ITIH5: variants seen among roughly 807,000 people sequenced by gnomAD.
ITIH5 encodes inter-alpha-trypsin inhibitor heavy chain 5, also known as inter-alpha-trypsin inhibitor heavy chain H5.
A neutral mutation model predicts 77.5 loss-of-function variants in ITIH5; 65 were observed. The ratio of observed to expected loss-of-function variants is 0.84; its 90% CI spans 0.69 to 1.03. The LOEUF (loss-of-function observed/expected upper bound fraction) is 1.03. ITIH5 is among the 50% of genes least tolerant of loss of function. The probability of loss-of-function intolerance (pLI) is 0.00; values close to 1 mark genes in which losing one functional copy is unlikely to be tolerated. For synonymous variants in ITIH5, 525 were observed against 494.3 expected (o/e 1.06, Z -0.82); for missense variants, 1,208 against 1,213.1 (o/e 1.00, Z 0.06).
At chr10:7,617,433 A>G in intron 5 of ITIH5, 151 bp from the exon 6 acceptor site, 2 of 486,380 alleles carry the variant, frequency 4.1e-6, no homozygotes, top group Non-Finnish European at 7.1e-6. Context: ...ATATATCACA[A>G]TGCGAGAGTT....
At chr10:7,567,209 C>T (rs1250821087) in intron 12 of ITIH5, among the ~76,000 whole-genome samples, 1 of 151,996 alleles carries the variant, frequency 6.6e-6, no homozygotes, top group Non-Finnish European at 1.5e-5. Context: ...ACACAGCTTA[C>T]CATGTTCGTC....
chr10:7,614,495 C>T (rs1272261084), intron 7 of ITIH5, among the ~76,000 whole-genome samples: 4 of 151,894 alleles, frequency 2.6e-5, no homozygotes, highest in Non-Finnish European at 4.4e-5. Flanking sequence ...TTTTTTTTAG[C>T]TCATTAGTAT....
intron 5 of ITIH5, chr10:7,621,955 A>G (rs893005662): frequency 6.6e-6 from 1 of 152,224 alleles, no homozygotes; most frequent in Non-Finnish European, 1.5e-5. Context: ...ATGAGAACCC[A>G]TGTCTCTTTC....
intron 5 of ITIH5, among the ~76,000 whole-genome samples, chr10:7,624,825 G>A (rs1173639084): frequency 9.0e-4 from 79 of 87,600 alleles, no homozygotes; most frequent in African/African-American, 1.0e-3. Context: ...ACATATATAT[G>A]TGTATATACA....
chr10:7,630,003 A>T (rs1833687402), intron 5 of ITIH5, among the ~76,000 whole-genome samples: 1 of 152,216 alleles, frequency 6.6e-6, no homozygotes, highest in South Asian at 2.1e-4. Flanking sequence ...TTTGGGTGTG[A>T]TATTCTATAC....
At chr10:7,661,734 C>T (rs934675037) in intron 1 of ITIH5, among the ~76,000 whole-genome samples, 1 of 152,150 alleles carries the variant, frequency 6.6e-6, no homozygotes, top group Non-Finnish European at 1.5e-5. Flanking sequence ...AGTCTCAACT[C>T]ATACCACCCA....
intron 2 of ITIH5, 61 bp downstream of exon 2, chr10:7,655,570 G>A (rs1834167694): frequency 1.5e-6 from 2 of 1,378,426 alleles, no homozygotes; most frequent in Non-Finnish European, 2.1e-6. Flanking sequence ...TGGATACCTG[G>A]TTCAAAATAA....
chr10:7,657,070 A>G (rs1296773729), intron 1 of ITIH5, among the ~76,000 whole-genome samples: 39 of 50,028 alleles, frequency 7.8e-4, no homozygotes, highest in Admixed American at 1.6e-3. Context: ...TTTTAGACGG[A>G]GTCTTGTTCT....
rs114739815 is a variant in ITIH5 at position 7,585,797 on chromosome 10, C to T, written c.1108+104G>A. 1,126 of 1,050,800 alleles carry T rather than the reference C, an allele frequency of 1.1e-3. 9 individuals are homozygous for T. The African/African-American group carries it at 0.016, about 15-fold the overall frequency. 65.1% of individuals were successfully genotyped at this position (1,050,800 alleles called of 1,614,324 possible). A position where few individuals can be genotyped will look rare whatever the true frequency, so the allele number is the denominator to read the frequency against. Reference sequence around the variant, plus strand: ...CTGCAGTCTCCCTTCCTGCCATCAACCCCAGCTTTCAAATCCTTATCTCTT... The same window carrying T: ...CTGCAGTCTCCCTTCCTGCCATCAATCCCAGCTTTCAAATCCTTATCTCTT... On this transcript the variant is annotated intron_variant, in intron 8 of 13. Transcript: ENST00000397146.
At chr10:7,587,408 A>T (rs532240145) in intron 7 of ITIH5, among the ~76,000 whole-genome samples, 89 of 152,342 alleles carry the variant, frequency 5.8e-4, no homozygotes, top group Non-Finnish European at 1.1e-3. Context: ...GACTTTCATT[A>T]TATAATGACC....
At chr10:7,650,644 G>T (rs1173828398) in intron 2 of ITIH5, among the ~76,000 whole-genome samples, 3 of 151,844 alleles carry the variant, frequency 2.0e-5, no homozygotes, top group Admixed American at 6.6e-5. Context: ...GCTAAGGCAG[G>T]AGAATCACTT....
At chr10:7,662,829 T>C (rs1834300182) in intron 1 of ITIH5, among the ~76,000 whole-genome samples, 1 of 152,164 alleles carries the variant, frequency 6.6e-6, no homozygotes, top group Non-Finnish European at 1.5e-5. Context: ...CGTTATTGAA[T>C]GGCCAGAAGC....
At chr10:7,569,013 T>C (rs1162318947) in intron 12 of ITIH5, 2 of 7,150 alleles carry the variant, frequency 2.8e-4, no homozygotes. Flanking sequence ...TCTTTTTCTT[T>C]TTTTTTTTTT....
In ITIH5 at chr10:7,563,227, A is replaced by G; in HGVS notation, c.2685T>C (p.Ile895=). ...QVPVVWKQRK[I]YNGEEQIDCW... The stretch of plus-strand genomic sequence containing the variant: ...AGTCTATCTGCTCTTCCCCGTTGTA[A>G]ATCTTCCTTTGCTTCCAGACCACTG... The change falls in exon 14 of 14, where the codon ATT becomes ATC. Residue 895 remains isoleucine, a synonymous_variant. Transcript: ENST00000397146. 1 of 1,614,078 alleles carries G rather than the reference A, an allele frequency of 6.2e-7. No individual in the cohort carries two copies.
Position 7,566,187 on chromosome 10 carries a change from C to A in ITIH5, c.2370G>T (p.Val790=). 1.9e-6 allele frequency: 3 copies of A among 1,614,038 alleles called. No individual in the cohort carries two copies. Among genetic ancestry groups the A allele is most frequent in the Admixed American group, 1.7e-5 (1 of 59,996 alleles). Residue 790 remains valine (V), a synonymous_variant, in exon 13 of 14, where the codon GTG becomes GTT. Transcript: ENST00000397146. ...VVGSWGLEVS[V]SANANVTVTI... ...TGACGGTGACATTGGCGTTGGCAGA[C>A]ACGGACACCTCCAGCCCCCAGCTCC...
intron 7 of ITIH5, among the ~76,000 whole-genome samples, chr10:7,603,712 C>A (rs1427290818): frequency 2.0e-5 from 3 of 151,980 alleles, no homozygotes; most frequent in Admixed American, 6.5e-5. Flanking sequence ...GCCTCCCGAG[C>A]AGCTGGGACT....
intron 8 of ITIH5, among the ~76,000 whole-genome samples, chr10:7,582,150 T>A (rs541830694): frequency 2.4e-4 from 36 of 152,278 alleles, no homozygotes; most frequent in East Asian, 1.5e-3. Flanking sequence ...CTGGGATTAC[T>A]GGCAGGGGCC....
At chr10:7,648,952 A>G (rs557182050) in intron 2 of ITIH5, among the ~76,000 whole-genome samples, 89 of 152,322 alleles carry the variant, frequency 5.8e-4, no homozygotes, top group African/African-American at 2.1e-3. Context: ...GCTTCTGCCC[A>G]GCTACAATTC....
intron 7 of ITIH5, among the ~76,000 whole-genome samples, chr10:7,608,753 C>T (rs1309741329): frequency 6.6e-6 from 1 of 152,212 alleles, no homozygotes; most frequent in Non-Finnish European, 1.5e-5. Context: ...CTTGCCCGAT[C>T]CACATCATGA....
Sources: gnomAD v4.1 joint callset for allele counts (sites outside exome capture counted in the v4.1 genomes callset) on GRCh38, gnomAD v4.1.1 for gene constraint, MANE v1.5 for transcripts, NCBI Gene and HGNC (gene_info 2026-07-23, HGNC 2026-07-21) for gene names.